Variants in AIM2 observed in about 807,000 individuals in gnomAD.
The protein encoded by AIM2 is interferon-inducible protein AIM2.
In AIM2, 30 loss-of-function variants were observed where a neutral mutation model predicts 27.7. That is an observed-to-expected ratio of 1.08 (90% CI 0.81 to 1.47). AIM2 has a LOEUF of 1.47. Among genes scored for constraint, AIM2 ranks in the 40% most tolerant of loss-of-function variants. The probability of loss-of-function intolerance (pLI) is 0.00; values close to 1 mark genes in which losing one functional copy is unlikely to be tolerated. For synonymous variants in AIM2, 141 were observed against 145.3 expected (o/e 0.97, Z 0.21); for missense variants, 358 against 411.3 (o/e 0.87, Z 1.12).
chr1:159,095,535 T>A (rs1657161802), intron 1 of AIM2, among the ~76,000 whole-genome samples: 1 of 152,196 alleles, frequency 6.6e-6, no homozygotes, highest in Admixed American at 6.5e-5. Context: ...CCCAGCTACG[T>A]GCTCAAGAAT....
intron 1 of AIM2, among the ~76,000 whole-genome samples, chr1:159,128,358 CCT>C (rs1282611526): frequency 6.6e-6 from 1 of 152,072 alleles, no homozygotes; most frequent in Non-Finnish European, 1.5e-5. Flanking sequence ...AGAATCCCGT[CCT>C]CTCTTTCCTT....
chr1:159,094,201 T>C (rs1331663491), intron 1 of AIM2, among the ~76,000 whole-genome samples: 1 of 152,192 alleles, frequency 6.6e-6, no homozygotes, highest in Non-Finnish European at 1.5e-5. Flanking sequence ...GAAATAATGA[T>C]AACACTCTAT....
chr1:159,055,880 A>C, the AIM2 span, among the ~76,000 whole-genome samples: 1 of 152,222 alleles, frequency 6.6e-6, no homozygotes, highest in Non-Finnish European at 1.5e-5. Flanking sequence ...AATATGTGAC[A>C]AACACGGAAT....
At chr1:159,076,820 T>G (rs41264459), upstream of AIM2, 8,892 of 152,318 alleles carry the variant, frequency 0.058, 337 homozygotes, top group Non-Finnish European at 0.086. Context: ...CCAGGCCCAG[T>G]GTGGGTAGGA....
chr1:159,107,240 A>C (rs1657468629), intron 1 of AIM2, among the ~76,000 whole-genome samples: 1 of 152,192 alleles, frequency 6.6e-6, no homozygotes, highest in Non-Finnish European at 1.5e-5. Context: ...TGAGGAAATG[A>C]GCCACAGTTT....
At chr1:159,066,430 GAT>G in intron 3 of AIM2, 101 bp from the exon 4 acceptor site, 1 of 1,238,790 alleles carries the variant, frequency 8.1e-7, no homozygotes, top group South Asian at 1.5e-5. Context: ...GCCAGCAGAA[GAT>G]AGGTGGAATC....
chr1:159,096,338 A>G (rs372426251), intron 1 of AIM2, among the ~76,000 whole-genome samples: 9 of 151,920 alleles, frequency 5.9e-5, no homozygotes, highest in African/African-American at 2.2e-4. Context: ...AAATAAAAAT[A>G]TAATGCCTAT....
intron 1 of AIM2, among the ~76,000 whole-genome samples, chr1:159,073,891 T>C (rs1196583879): frequency 4.6e-5 from 7 of 152,076 alleles, no homozygotes; most frequent in Non-Finnish European, 1.0e-4. Flanking sequence ...GTACAAAAAT[T>C]AGCCGAGCAT....
At chr1:159,077,321 G>A (rs1181446632), upstream of AIM2, among the ~76,000 whole-genome samples, 2 of 152,226 alleles carry the variant, frequency 1.3e-5, no homozygotes, top group African/African-American at 4.8e-5. Flanking sequence ...AAATGGGCGG[G>A]CAATTCCCGG....
chr1:159,105,702 C>T (rs1307773418), intron 1 of AIM2, among the ~76,000 whole-genome samples: 1 of 152,058 alleles, frequency 6.6e-6, no homozygotes, highest in East Asian at 1.9e-4. Context: ...TGAGGAGACC[C>T]GAATTGGGTA....
At chr1:159,143,419 T>C (rs1014129150), upstream of AIM2, among the ~76,000 whole-genome samples, 1 of 152,140 alleles carries the variant, frequency 6.6e-6, no homozygotes, top group African/African-American at 2.4e-5. Context: ...AGAGACTGTA[T>C]TACTCTGAGT....
chr1:159,128,728 C>T (rs1047005932), intron 1 of AIM2, among the ~76,000 whole-genome samples: 1 of 152,144 alleles, frequency 6.6e-6, no homozygotes, highest in Non-Finnish European at 1.5e-5. Context: ...GAAAATCACA[C>T]AACTATAAAT....
intron 1 of AIM2, among the ~76,000 whole-genome samples, chr1:159,093,686 T>C (rs892670925): frequency 1.3e-5 from 2 of 151,298 alleles, no homozygotes; most frequent in African/African-American, 4.9e-5. Context: ...ATTTTATTTA[T>C]TTAGAAAATA....
At position 159,127,422 on chromosome 1, in the gene AIM2, T is replaced by C. The variant is rs959755168; in HGVS notation, c.-16+13009A>G. 6.6e-5 allele frequency among the ~76,000 whole-genome samples: 10 copies of C among 152,332 alleles called. No homozygotes were observed. The East Asian group carries it at 1.9e-3, about 29-fold the overall frequency. Reference sequence around the variant, plus strand: ...TAGTGTTATGGTCTGAATGTCTGTGTCCCCACAAAATTCCTATGTTGAAAT... The same window carrying C: ...TAGTGTTATGGTCTGAATGTCTGTGCCCCCACAAAATTCCTATGTTGAAAT... On this transcript the variant is annotated intron_variant, in intron 1 of 2. Transcript: ENST00000368129.
chr1:159,067,374 G>T (rs1656151202), intron 3 of AIM2, among the ~76,000 whole-genome samples: 2 of 152,100 alleles, frequency 1.3e-5, no homozygotes, highest in Admixed American at 1.3e-4. Context: ...AAAGCCACTT[G>T]CCATTTAGAA....
chr1:159,107,709 C>T (rs948294194), intron 1 of AIM2, among the ~76,000 whole-genome samples: 10 of 151,876 alleles, frequency 6.6e-5, no homozygotes, highest in South Asian at 2.1e-4. Flanking sequence ...TAATAAGAAA[C>T]GAAATGGGAG....
chr1:159,082,826 T>C lies in AIM2; in HGVS notation c.-15-16497A>G, dbSNP rs981215207. 2.0e-5 allele frequency among the ~76,000 whole-genome samples: 3 copies of C among 152,148 alleles called. No individual in the cohort carries two copies. In the Middle Eastern group the frequency reaches 9.5e-3, roughly 481 times the overall value. ...CCACAAGGATGATGTCACCCCAGGA[T>C]AATGGTGACCAGAAGCCCTTGAACC... On this transcript the variant is annotated intron_variant, in intron 1 of 2. Transcript: ENST00000368129.
intron 1 of AIM2, among the ~76,000 whole-genome samples, chr1:159,088,768 A>G (rs555536153): frequency 1.3e-5 from 2 of 152,252 alleles, no homozygotes; most frequent in East Asian, 3.9e-4. Context: ...TAGCTCACTA[A>G]GCTGCCTCTC....
intron 1 of AIM2, among the ~76,000 whole-genome samples, chr1:159,136,685 T>C (rs571847415): frequency 2.6e-5 from 4 of 152,334 alleles, no homozygotes; most frequent in African/African-American, 4.8e-5. Context: ...TTATAATTTA[T>C]AGCAAGTACT....
Sources: allele counts gnomAD v4.1 joint callset (sites outside exome capture counted in the v4.1 genomes callset), GRCh38; gene constraint gnomAD v4.1.1; transcripts MANE v1.5; gene names NCBI Gene and HGNC (gene_info 2026-07-23, HGNC 2026-07-21).